SGPP2: variants seen among roughly 807,000 people sequenced by gnomAD.
SGPP2 encodes the protein sphingosine-1-phosphate phosphatase 2.
Under a neutral mutation model 33.9 loss-of-function variants are expected in SGPP2, and 30 were observed. The ratio of observed to expected loss-of-function variants is 0.89; its 90% confidence interval spans 0.66 to 1.20. SGPP2 has a LOEUF of 1.20. Among genes scored for constraint, SGPP2 ranks in the 50% most tolerant of loss-of-function variants. The probability of loss-of-function intolerance (pLI) is 0.00; values close to 1 mark genes in which losing one functional copy is unlikely to be tolerated. For synonymous variants in SGPP2, 233 were observed against 225.0 expected (o/e 1.04, Z -0.32); for missense variants, 458 against 532.1 (o/e 0.86, Z 1.37).
chr2:222,490,748 ATGTGCATTTG>A (rs1469855964), intron 2 of SGPP2, among the ~76,000 whole-genome samples: 2 of 151,828 alleles, frequency 1.3e-5, no homozygotes, highest in African/African-American at 4.8e-5. Flanking sequence ...CCCAGCAGTT[ATGTGCATTTG>A]AACACTAGAG....
At chr2:222,500,190 A>G (rs536938869) in intron 2 of SGPP2, among the ~76,000 whole-genome samples, 4 of 152,254 alleles carry the variant, frequency 2.6e-5, no homozygotes, top group South Asian at 2.1e-4. Flanking sequence ...AACCAGTATT[A>G]TGATACAGTG....
chr2:222,485,994 A>G (rs1698100498), intron 2 of SGPP2, among the ~76,000 whole-genome samples: 1 of 152,230 alleles, frequency 6.6e-6, no homozygotes, highest in African/African-American at 2.4e-5. Context: ...TCCTTTCACC[A>G]GCACAGGGTG....
rs1559180283 is a variant in SGPP2 at position 222,559,158 on chromosome 2, CG to C, written c.*261del. 9.8e-3 allele frequency: 724 copies of C among 73,716 alleles called. 2 individuals carry two copies. The highest frequency in any genetic ancestry group is 0.013 in the Admixed American group (67 of 5,216). The allele number at this position is 73,716 out of a possible 1,614,324, so 4.6% of individuals were successfully genotyped here. ...AATCCGGATCTTTAAAGGCACACAC[CG>C]CGCCCCCCCCCCCCCCGCCCGGCCC... On this transcript the variant is annotated 3_prime_UTR_variant, in exon 5 of 5. Transcript: ENST00000321276.
At chr2:222,518,172 T>C (rs1396859654) in intron 2 of SGPP2, among the ~76,000 whole-genome samples, 1 of 152,256 alleles carries the variant, frequency 6.6e-6, no homozygotes, top group Non-Finnish European at 1.5e-5. Context: ...AAGAGAGCTG[T>C]GATCACAGTC....
chr2:222,446,702 G>A (rs1202516079), intron 1 of SGPP2, among the ~76,000 whole-genome samples: 4 of 152,120 alleles, frequency 2.6e-5, no homozygotes, highest in African/African-American at 7.2e-5. Context: ...GCTAAACAGT[G>A]GAATAAATAT....
In SGPP2 at chr2:222,449,470, A is replaced by ATTTTTTT. The variant is rs11390234; in HGVS notation, c.219+24660_219+24666dup. 7.8e-5 allele frequency among the ~76,000 whole-genome samples: 11 copies of ATTTTTTT among 141,214 alleles called. No individual in the cohort carries two copies. The South Asian group carries it at 2.3e-3, about 29-fold the overall frequency. 92.6% of individuals were successfully genotyped at this position (141,214 alleles called of 152,430 possible). A position where few individuals can be genotyped will look rare whatever the true frequency, so the allele number is the denominator to read the frequency against. The stretch of plus-strand genomic sequence containing the variant: ...ATGCAGCCTTTACTCAGGTCAGCCA[A>ATTTTTTT]TTTTTTTTTTTTTTTTTGAGACGGA... On this transcript the variant is annotated intron_variant, in intron 1 of 4. Coordinates refer to ENST00000321276, the MANE Select transcript of SGPP2 (RefSeq NM_152386.4).
At chr2:222,493,024 T>C (rs1419209902) in intron 2 of SGPP2, among the ~76,000 whole-genome samples, 1 of 152,212 alleles carries the variant, frequency 6.6e-6, no homozygotes, top group Non-Finnish European at 1.5e-5. Flanking sequence ...AAATTTTCCT[T>C]CATCTGCCTG....
chr2:222,468,995 C>T (rs749594340), intron 1 of SGPP2, among the ~76,000 whole-genome samples: 8 of 152,172 alleles, frequency 5.3e-5, no homozygotes, highest in Middle Eastern at 3.4e-3. Flanking sequence ...CCTAGGAAAA[C>T]CTTTTTTAAA....
At chr2:222,524,821 C>A in intron 3 of SGPP2, 123 bp from the exon 4 acceptor site, 1 of 740,568 alleles carries the variant, frequency 1.4e-6, no homozygotes, top group South Asian at 1.9e-5. Context: ...GATTGCTGGT[C>A]TGGGGAATGC....
rs1457853200 is a variant in SGPP2, at chr2:222,424,759, G to A, written c.157G>A (p.Ala53Thr). ...GGTCCCCGGGGTCGAGCATCTCCCC[G>A]CAGCCAACGGCAAGGGCGGCGAGGC... is the stretch of plus-strand genomic sequence containing the variant. Reference protein sequence around the residue: ...ARVPGVEHLPAANGKGGEAPA... With the variant: ...ARVPGVEHLPTANGKGGEAPA... Residue 53 changes from alanine to threonine, a missense_variant, in exon 1 of 5, where the codon GCA (alanine) becomes ACA (threonine). Physicochemically the swap from Ala to Thr is moderately conservative, Grantham distance 58. Transcript: ENST00000321276. 6.4e-6 allele frequency: 9 copies of A among 1,408,040 alleles called. No homozygotes were observed. The African/African-American group carries it at 7.5e-5, about 12-fold the overall frequency. 87.2% of individuals were successfully genotyped at this position (1,408,040 alleles called of 1,614,324 possible).
chr2:222,508,507 C>A lies in SGPP2; in HGVS notation c.379-13260C>A, dbSNP rs80337934. Among the ~76,000 whole-genome samples, 1,385 of 152,278 alleles carry A rather than the reference C, an allele frequency of 9.1e-3. 14 individuals are homozygous for A. Among genetic ancestry groups the A allele is most frequent in the South Asian group, 0.023 (109 of 4,820 alleles). On this transcript the variant is annotated intron_variant, in intron 2 of 4. Transcript: ENST00000321276. ...TGTCTGTGAAAGTATACACTAAAAACAATCATTGCACAAATGTCAGTTATT... is the reference window on the plus strand; with the variant it reads ...TGTCTGTGAAAGTATACACTAAAAAAAATCATTGCACAAATGTCAGTTATT...
intron 2 of SGPP2, among the ~76,000 whole-genome samples, chr2:222,488,201 T>C (rs1698141829): frequency 2.0e-5 from 3 of 152,144 alleles, no homozygotes; most frequent in Admixed American, 2.0e-4. Context: ...GAGGACGCAA[T>C]CATTAATGGT....
At chr2:222,437,191 T>A (rs1426478098) in intron 1 of SGPP2, among the ~76,000 whole-genome samples, 3 of 152,224 alleles carry the variant, frequency 2.0e-5, no homozygotes, top group Non-Finnish European at 4.4e-5. Context: ...TCCCCAAATG[T>A]CTTTGTCACC....
At chr2:222,451,412 A>C (rs1315500880) in intron 1 of SGPP2, among the ~76,000 whole-genome samples, 3 of 152,216 alleles carry the variant, frequency 2.0e-5, no homozygotes, top group African/African-American at 2.4e-5. Flanking sequence ...CACACATGAG[A>C]CACTCCAGTT....
chr2:222,458,871 A>G (rs1233388745), intron 1 of SGPP2, among the ~76,000 whole-genome samples: 1 of 152,162 alleles, frequency 6.6e-6, no homozygotes, highest in Non-Finnish European at 1.5e-5. Context: ...GGGCTTTCGT[A>G]CTTTTAAAGT....
At chr2:222,474,814 CT>C (rs3075931) in intron 2 of SGPP2, 88 bp downstream of exon 2, 121,612 of 778,462 alleles carry the variant, frequency 0.16, 3,909 homozygotes, top group African/African-American at 0.35. Flanking sequence ...TATGTTCTTT[CT>C]TTTTTTTTTT....
At chr2:222,524,907 T>G in intron 3 of SGPP2, 37 bp from the exon 4 acceptor site, 5 of 1,498,010 alleles carry the variant, frequency 3.3e-6, no homozygotes, top group Non-Finnish European at 2.8e-6. Context: ...TGTCTGAGTG[T>G]GATCTAATTC....
At chr2:222,466,724 C>T (rs1697752181) in intron 1 of SGPP2, among the ~76,000 whole-genome samples, 1 of 152,242 alleles carries the variant, frequency 6.6e-6, no homozygotes, top group African/African-American at 2.4e-5. Context: ...GAAAGGCTTT[C>T]AAACTTCATT....
At chr2:222,541,302 AC>A (rs146091579) in intron 4 of SGPP2, among the ~76,000 whole-genome samples, 9,348 of 152,278 alleles carry the variant, frequency 0.061, 945 homozygotes, top group African/African-American at 0.21. Context: ...TGTTTGAGGC[AC>A]CAGTTCTTAG....
Sources: allele counts gnomAD v4.1 joint callset (sites outside exome capture counted in the v4.1 genomes callset), GRCh38; gene constraint gnomAD v4.1.1; transcripts MANE v1.5; gene names NCBI Gene and HGNC (gene_info 2026-07-23, HGNC 2026-07-21).